Variants in SMYD3 observed in about 807,000 individuals in gnomAD.
The protein encoded by SMYD3 is histone-lysine N-methyltransferase SMYD3.
Under a neutral mutation model 57.7 loss-of-function variants are expected in SMYD3, and 36 were observed. That is an observed-to-expected ratio of 0.62 (90% CI 0.48 to 0.82). SMYD3 has a LOEUF of 0.82. SMYD3 is among the 40% of genes least tolerant of loss of function. The pLI, the probability that SMYD3 is intolerant of heterozygous loss-of-function variation, is 0.00. For missense variants in SMYD3, 515 were observed against 538.8 expected, an observed-to-expected ratio of 0.96 and a Z score of 0.44; for synonymous variants, 211 against 195.0, an observed-to-expected ratio of 1.08 and a Z score of -0.68.
At chr1:246,027,764 T>A (rs1000180458) in intron 5 of SMYD3, among the ~76,000 whole-genome samples, 1 of 152,216 alleles carries the variant, frequency 6.6e-6, no homozygotes, top group Non-Finnish European at 1.5e-5. Context: ...CTTCAGCCCA[T>A]GGATCAAGGA....
rs527971066 is a variant in SMYD3 at position 246,152,543 on chromosome 1, G to C, written c.531+174658C>G. Among the ~76,000 whole-genome samples the C allele has an allele frequency of 8.5e-5, 13 of 152,330 alleles. No individual in the cohort carries two copies. In the East Asian group the frequency reaches 2.5e-3, roughly 29 times the overall value. ...GGGAACCAATATTCTCCATACACTT[G>C]CTATGTTTTACGCACTGAGTGAAGA... On this transcript the variant is annotated intron_variant, in intron 5 of 11. Coordinates refer to ENST00000490107, the MANE Select transcript of SMYD3 (RefSeq NM_001167740.2).
intron 2 of SMYD3, among the ~76,000 whole-genome samples, chr1:246,336,975 G>C (rs926799160): frequency 6.6e-6 from 1 of 152,158 alleles, no homozygotes; most frequent in African/African-American, 2.4e-5. Context: ...TCACAGGAGG[G>C]ATTTATTCCA....
chr1:246,160,717 T>C (rs1228504761), intron 5 of SMYD3, among the ~76,000 whole-genome samples: 5 of 152,166 alleles, frequency 3.3e-5, no homozygotes, highest in Non-Finnish European at 7.4e-5. Context: ...AGCAACACTG[T>C]TCCCAAATTC....
At chr1:245,783,911 C>T (rs72766629) in intron 10 of SMYD3, among the ~76,000 whole-genome samples, 355 of 152,316 alleles carry the variant, frequency 2.3e-3, no homozygotes, top group Non-Finnish European at 4.1e-3. Context: ...AAGAGCCACA[C>T]TGTGTTCATG....
chr1:246,150,463 C>T (rs969747811), intron 5 of SMYD3, among the ~76,000 whole-genome samples: 1 of 152,194 alleles, frequency 6.6e-6, no homozygotes, highest in Non-Finnish European at 1.5e-5. Context: ...ACAGACCACT[C>T]CCATTCTGTA....
intron 10 of SMYD3, among the ~76,000 whole-genome samples, chr1:245,832,620 G>C (rs1462362646): frequency 6.6e-6 from 1 of 151,844 alleles, no homozygotes; most frequent in African/African-American, 2.4e-5. Context: ...CTCAGTTACA[G>C]TTTGCATCTA....
intron 5 of SMYD3, among the ~76,000 whole-genome samples, chr1:246,101,226 T>C (rs986903424): frequency 1.3e-5 from 2 of 152,014 alleles, no homozygotes; most frequent in African/African-American, 4.8e-5. Context: ...TGTGAGAAAA[T>C]AACTGCAATG....
At chr1:245,822,721 C>G (rs1002849760) in intron 10 of SMYD3, among the ~76,000 whole-genome samples, 2 of 152,174 alleles carry the variant, frequency 1.3e-5, no homozygotes, top group Admixed American at 6.5e-5. Context: ...TCCCACCAAC[C>G]TCTCATCCAG....
At chr1:246,323,112 G>A (rs2065277379) in intron 5 of SMYD3, among the ~76,000 whole-genome samples, 1 of 152,142 alleles carries the variant, frequency 6.6e-6, no homozygotes, top group Admixed American at 6.6e-5. Context: ...CTTCTGATAT[G>A]AGGTCCTCCT....
intron 5 of SMYD3, among the ~76,000 whole-genome samples, chr1:246,008,359 C>G (rs1183957072): frequency 6.6e-6 from 1 of 152,158 alleles, no homozygotes; most frequent in African/African-American, 2.4e-5. Context: ...TCCTGTAATG[C>G]GACGTAAATA....
intron 5 of SMYD3, among the ~76,000 whole-genome samples, chr1:246,056,859 C>T (rs1228812037): frequency 1.3e-5 from 2 of 152,090 alleles, no homozygotes; most frequent in Admixed American, 1.3e-4. Flanking sequence ...AAACCTTTGT[C>T]TTTTGTAATT....
intron 1 of SMYD3, among the ~76,000 whole-genome samples, chr1:246,371,561 T>C (rs1232989387): frequency 1.3e-5 from 2 of 152,178 alleles, no homozygotes; most frequent in Non-Finnish European, 2.9e-5. Flanking sequence ...TGTATAACTA[T>C]TGCTAGTACA....
intron 2 of SMYD3, among the ~76,000 whole-genome samples, chr1:246,348,071 T>TAA: frequency 8.3e-6 from 1 of 120,850 alleles, no homozygotes; most frequent in African/African-American, 3.0e-5. Context: ...TATATATATA[T>TAA]ATATATACAC....
chr1:246,472,857 T>C (rs949201476), intron 1 of SMYD3, among the ~76,000 whole-genome samples: 4 of 132,308 alleles, frequency 3.0e-5, no homozygotes, highest in East Asian at 4.3e-4. Flanking sequence ...AAATTTCTTT[T>C]TTTTTTTTTT....
intron 5 of SMYD3, among the ~76,000 whole-genome samples, chr1:245,943,437 GGAA>G (rs2057325946): frequency 6.6e-6 from 1 of 152,042 alleles, no homozygotes; most frequent in African/African-American, 2.4e-5. Flanking sequence ...GACTAAAGCA[GGAA>G]GAAGTAGAAT....
chr1:245,901,994 A>C lies in SMYD3; in HGVS notation c.813+13536T>G, dbSNP rs573452775. 2.0e-3 allele frequency among the ~76,000 whole-genome samples: 304 copies of C among 152,090 alleles called. 2 individuals carry two copies. Among genetic ancestry groups the C allele is most frequent in the South Asian group, 3.5e-3 (17 of 4,810 alleles). ...AGGGCATTCATGCTGCATTCTAGTC[A>C]CCCCTCAGGACCCAAGGTGCTGTGG... On this transcript the variant is annotated intron_variant, in intron 8 of 11. Coordinates refer to ENST00000490107, the MANE Select transcript of SMYD3 (RefSeq NM_001167740.2).
intron 5 of SMYD3, among the ~76,000 whole-genome samples, chr1:246,123,137 T>C (rs1364271187): frequency 6.6e-6 from 1 of 152,176 alleles, no homozygotes; most frequent in African/African-American, 2.4e-5. Context: ...ATCACAGATA[T>C]CTGACATTTG....
intron 1 of SMYD3, among the ~76,000 whole-genome samples, chr1:246,491,488 C>T (rs761007813): frequency 6.6e-6 from 1 of 150,914 alleles, no homozygotes; most frequent in Non-Finnish European, 1.5e-5. Context: ...GGCAGTGAGC[C>T]GAGATCGCAC....
At chr1:246,101,610 T>C (rs1235504062) in intron 5 of SMYD3, among the ~76,000 whole-genome samples, 1 of 152,252 alleles carries the variant, frequency 6.6e-6, no homozygotes, top group Non-Finnish European at 1.5e-5. Context: ...CATTTAATTG[T>C]ACATTGAAAA....
Sources: gnomAD v4.1 joint callset for allele counts (sites outside exome capture counted in the v4.1 genomes callset) on GRCh38, gnomAD v4.1.1 for gene constraint, MANE v1.5 for transcripts, NCBI Gene and HGNC (gene_info 2026-07-23, HGNC 2026-07-21) for gene names.